The following TNFRSF1B variants were observed in gnomAD, a reference collection of about 807,000 sequenced individuals.
The protein encoded by TNFRSF1B is TNF receptor superfamily member 1B, also known as tumor necrosis factor receptor superfamily member 1B.
A neutral mutation model predicts 44.6 loss-of-function variants in TNFRSF1B; 19 were observed. The observed-to-expected ratio is 0.43, with a 90% CI of 0.30 to 0.62. TNFRSF1B has a LOEUF of 0.62. TNFRSF1B is among the 20% of genes least tolerant of loss of function. The pLI, the probability that TNFRSF1B is intolerant of heterozygous loss-of-function variation, is 0.16. For synonymous variants in TNFRSF1B, 252 were observed against 261.1 expected, an observed-to-expected ratio of 0.97 and a Z score of 0.34; for missense variants, 541 against 619.9, an observed-to-expected ratio of 0.87 and a Z score of 1.35.
intron 8 of TNFRSF1B, among the ~76,000 whole-genome samples, chr1:12,198,698 T>TTTTTTTTTTTTG (rs1639324448): frequency 1.4e-5 from 2 of 138,090 alleles, no homozygotes; most frequent in Non-Finnish European, 3.1e-5. Flanking sequence ...TCTGTTTTTT[T>TTTTTTTTTTTTG]TTTTTTTTTT....
chr1:12,186,013 G>A lies in TNFRSF1B; in HGVS notation c.79-2783G>A, dbSNP rs149329299. On this transcript the variant is annotated intron_variant, in intron 1 of 9. Coordinates refer to ENST00000376259, the MANE Select transcript of TNFRSF1B (RefSeq NM_001066.3). This position sits in a 1 kb window ranked among gnomAD's most constrained non-coding sequence, Gnocchi z 4.8. ...GGTACTGCCTGAGCAGGGCTCTTAA[G>A]GGACACGTGGAATTTGTTACAGGAA... Among the ~76,000 whole-genome samples, 1 of 152,284 alleles carries A rather than the reference G, an allele frequency of 6.6e-6. No individual in the cohort carries two copies. Among genetic ancestry groups the A allele is most frequent in the Admixed American group, 6.5e-5 (1 of 15,304 alleles).
chr1:12,192,408 C>T (rs199963289), intron 4 of TNFRSF1B, 23 bp from the exon 5 acceptor site: 1 of 1,612,762 alleles, frequency 6.2e-7, no homozygotes, highest in Non-Finnish European at 8.5e-7. Context: ...GAGTGGTTGA[C>T]AAGTTCGGAT....
At position 12,207,147 on chromosome 1, in the gene TNFRSF1B, C is replaced by T; in HGVS notation, c.*127C>T. The T allele has an allele frequency of 5.9e-6, 6 of 1,015,560 alleles. No homozygotes were observed. Among genetic ancestry groups the T allele is most frequent in the South Asian group, 2.1e-5 (1 of 46,836 alleles). 62.9% of individuals were successfully genotyped at this position (1,015,560 alleles called of 1,614,324 possible). On this transcript the variant is annotated 3_prime_UTR_variant, in exon 10 of 10. Coordinates refer to ENST00000376259, the MANE Select transcript of TNFRSF1B (RefSeq NM_001066.3). The stretch of plus-strand genomic sequence containing the variant: ...CTGAGGCTCTTTCTGGGCCAAGTTC[C>T]TCTAGTGCCCTCCACAGCCGCAGCC...
At chr1:12,206,652 T>C (rs1034005859) in intron 9 of TNFRSF1B, 88 bp from the exon 10 acceptor site, 46 of 1,404,346 alleles carry the variant, frequency 3.3e-5, no homozygotes, top group African/African-American at 4.3e-5. Flanking sequence ...CTCTTTCCCA[T>C]GTGTCTGAAT....
At chr1:12,206,512 G>T (rs1161045301) in intron 9 of TNFRSF1B, among the ~76,000 whole-genome samples, 1 of 152,148 alleles carries the variant, frequency 6.6e-6, no homozygotes, top group Non-Finnish European at 1.5e-5. Context: ...GGGGTGATTG[G>T]GGCTGGGTAG....
Position 12,206,813 on chromosome 1 carries a change from C to T in TNFRSF1B, c.1179C>T (p.His393=). ...TGAACGTCTGTAGCAGCTCTGACCA[C>T]AGCTCACAGTGCTCCTCCCAAGCCA... is the stretch of plus-strand genomic sequence containing the variant. ...CIVNVCSSSD[H]SSQCSSQASS... The change falls in exon 10 of 10, where the codon CAC becomes CAT. Residue 393 remains histidine (H), a synonymous_variant. Transcript: ENST00000376259. 1 of 1,614,168 alleles carries T rather than the reference C, an allele frequency of 6.2e-7. No homozygotes were observed. Among genetic ancestry groups the T allele is most frequent in the Non-Finnish European group, 8.5e-7 (1 of 1,180,004 alleles).
chr1:12,193,140 CCTGT>C, intron 6 of TNFRSF1B, 42 bp downstream of exon 6: 1 of 1,513,874 alleles, frequency 6.6e-7, no homozygotes, highest in Non-Finnish European at 9.1e-7. Context: ...CTTCTGTCTG[CCTGT>C]CTTTCTGTCT....
chr1:12,182,213 G>A (rs556614214), intron 1 of TNFRSF1B, among the ~76,000 whole-genome samples: 14 of 152,326 alleles, frequency 9.2e-5, no homozygotes, highest in African/African-American at 3.1e-4. Context: ...GACCAGGGGA[G>A]GATTCAGAGA....
At chr1:12,192,723 G>A (rs1639173803) in intron 5 of TNFRSF1B, 140 bp from the exon 6 acceptor site, 2 of 820,296 alleles carry the variant, frequency 2.4e-6, no homozygotes, top group Non-Finnish European at 3.9e-6. Context: ...GGAGGTGGGG[G>A]AGGGCTAGGA....
intron 8 of TNFRSF1B, among the ~76,000 whole-genome samples, chr1:12,195,534 G>T (rs1237495894): frequency 6.6e-6 from 1 of 152,194 alleles, no homozygotes; most frequent in Non-Finnish European, 1.5e-5. Flanking sequence ...GGGGCAGGTG[G>T]CCAGGTCAGC....
At chr1:12,194,673 C>T (rs1639227970) in intron 8 of TNFRSF1B, 55 bp downstream of exon 8, 6 of 1,600,330 alleles carry the variant, frequency 3.7e-6, no homozygotes, top group Non-Finnish European at 5.1e-6. Context: ...TCCCGGCGTG[C>T]TGGGCTGTCA....
chr1:12,189,566 C>T (rs2101103251), intron 2 of TNFRSF1B, among the ~76,000 whole-genome samples: 1 of 152,332 alleles, frequency 6.6e-6, no homozygotes, highest in South Asian at 2.1e-4. Context: ...TCATTTGTGT[C>T]TGTATTCATT....
chr1:12,204,461 C>G (rs993889840), intron 9 of TNFRSF1B, among the ~76,000 whole-genome samples: 3 of 152,170 alleles, frequency 2.0e-5, no homozygotes, highest in Non-Finnish European at 4.4e-5. Context: ...CTACCCTATC[C>G]GAGTAGTTGG....
At chr1:12,173,985 C>T (rs1168912724) in intron 1 of TNFRSF1B, among the ~76,000 whole-genome samples, 3 of 151,994 alleles carry the variant, frequency 2.0e-5, no homozygotes, top group East Asian at 1.9e-4. Context: ...CTGCCCCAAG[C>T]GTGAGCCCCA....
chr1:12,185,604 C>A (rs1351175258), intron 1 of TNFRSF1B, among the ~76,000 whole-genome samples: 1 of 152,196 alleles, frequency 6.6e-6, no homozygotes, highest in African/African-American at 2.4e-5. Flanking sequence ...CTTCTTCAGA[C>A]CCTGTTATGC....
At chr1:12,202,444 T>C (rs1639415835) in intron 9 of TNFRSF1B, among the ~76,000 whole-genome samples, 2 of 152,196 alleles carry the variant, frequency 1.3e-5, no homozygotes, top group South Asian at 4.1e-4. Context: ...TTCTCCCTGC[T>C]ACCACCCCCA....
intron 6 of TNFRSF1B, among the ~76,000 whole-genome samples, chr1:12,193,695 C>T (rs977044131): frequency 6.6e-6 from 1 of 152,188 alleles, no homozygotes; most frequent in East Asian, 1.9e-4. Context: ...AAGAAGACAG[C>T]GGGCTGGGCC....
chr1:12,174,143 CTTCTTCTTCTT>C (rs1557623580), intron 1 of TNFRSF1B, among the ~76,000 whole-genome samples: 3 of 83,028 alleles, frequency 3.6e-5, no homozygotes, highest in Admixed American at 1.2e-4. Flanking sequence ...TCTTCTTCTT[CTTCTTCTTCTT>C]CTTCTTCTTC....
rs1407924607 is a variant in TNFRSF1B at position 12,207,784 on chromosome 1, C to T, written c.*764C>T. 1 of 152,366 alleles carries T rather than the reference C, an allele frequency of 6.6e-6. No individual in the cohort carries two copies. The highest frequency in any genetic ancestry group is 2.1e-4 in the South Asian group (1 of 4,830). The allele number at this position is 152,366 out of a possible 1,614,324, so 9.4% of individuals were successfully genotyped here. A position where few individuals can be genotyped will look rare whatever the true frequency, so the allele number is the denominator to read the frequency against. On this transcript the variant is annotated 3_prime_UTR_variant, in exon 10 of 10. Coordinates refer to ENST00000376259, the MANE Select transcript of TNFRSF1B (RefSeq NM_001066.3). ...AATTAGCCGGGCGTGGTGGCGGGCA[C>T]CTATAGTCCCAGCTACTCAGAAGCC... is the stretch of plus-strand genomic sequence containing the variant.
Sources: allele counts gnomAD v4.1 joint callset (sites outside exome capture counted in the v4.1 genomes callset), GRCh38; gene constraint gnomAD v4.1.1; non-coding constraint Gnocchi (gnomAD v3.1); transcripts MANE v1.5; gene names NCBI Gene and HGNC (gene_info 2026-07-23, HGNC 2026-07-21).